Variants in DAB2IP observed in about 807,000 individuals in gnomAD.
DAB2IP encodes the protein DAB2 interacting protein.
In DAB2IP, 28 loss-of-function variants were observed where a neutral mutation model predicts 107.2. That is an observed-to-expected ratio of 0.26 (90% CI 0.19 to 0.36). DAB2IP has a LOEUF of 0.36. Among genes scored for constraint, DAB2IP ranks in the 10% least tolerant of loss-of-function variants. The pLI is 1.00. For synonymous variants in DAB2IP, 755 were observed against 706.4 expected (o/e 1.07, Z -1.09); for missense variants, 1,400 against 1,644.7 (o/e 0.85, Z 2.57).
chr9:121,579,259 G>T (rs1830136849), intron 1 of DAB2IP, among the ~76,000 whole-genome samples: 2 of 152,116 alleles, frequency 1.3e-5, no homozygotes, highest in African/African-American at 4.8e-5. Context: ...CAGAGAATGA[G>T]GCCTCAGTTG....
At chr9:121,579,458 A>C (rs1830141765) in intron 1 of DAB2IP, among the ~76,000 whole-genome samples, 1 of 151,158 alleles carries the variant, frequency 6.6e-6, no homozygotes, top group Non-Finnish European at 1.5e-5. Flanking sequence ...TGCAGTCCCC[A>C]CCATCCCTCC....
At chr9:121,747,839 T>C (rs1832821631) in intron 3 of DAB2IP, among the ~76,000 whole-genome samples, 1 of 145,802 alleles carries the variant, frequency 6.9e-6, no homozygotes. Flanking sequence ...TCTCTCTCTC[T>C]GCACCCCTCC....
At chr9:121,577,480 C>T (rs531507539) in intron 1 of DAB2IP, among the ~76,000 whole-genome samples, 24 of 152,216 alleles carry the variant, frequency 1.6e-4, no homozygotes, top group Non-Finnish European at 2.2e-4. Context: ...GCCTCTGTCT[C>T]GGCAGGCTGT....
chr9:121,651,926 C>G lies in DAB2IP; in HGVS notation c.124+27C>G, dbSNP rs1832759979. ...TAGGCGCCACCCCGACCCCTGACCCCTAGACCCTCCTAAGGCCACTAAGCC... is the reference window on the plus strand; with the variant it reads ...TAGGCGCCACCCCGACCCCTGACCCGTAGACCCTCCTAAGGCCACTAAGCC... On this transcript the variant is annotated intron_variant, in intron 1 of 15. Coordinates refer to ENST00000408936, the Ensembl canonical transcript of DAB2IP. The surrounding 1 kb of genome is among the most constrained non-coding windows in gnomAD (Gnocchi z 5.1). 1.5e-6 allele frequency: 2 copies of G among 1,334,838 alleles called. No homozygotes were observed. The highest frequency in any genetic ancestry group is 3.1e-5 in the Admixed American group (1 of 32,384). The allele number at this position is 1,334,838 out of a possible 1,614,324, so 82.7% of individuals were successfully genotyped here.
rs1834564506 is a variant in DAB2IP, at chr9:121,769,823, A to T, written c.1900-723A>T. Among the ~76,000 whole-genome samples the T allele has an allele frequency of 3.3e-5, 5 of 152,214 alleles. No individual in the cohort carries two copies. In the South Asian group the frequency reaches 6.2e-4, roughly 19 times the overall value. ...CTGCACAACCAGGCAGGAAGAATGG[A>T]AGGTGATCAGTATTGTCACATCGGT... On this transcript the variant is annotated intron_variant, in intron 10 of 15. Coordinates refer to ENST00000408936, the Ensembl canonical transcript of DAB2IP.
intron 2 of DAB2IP, among the ~76,000 whole-genome samples, chr9:121,691,239 A>G (rs1829145335): frequency 6.6e-6 from 1 of 152,158 alleles, no homozygotes; most frequent in South Asian, 2.1e-4. Context: ...ACAGTCCAGT[A>G]TGGGGTGGGG....
intron 9 of DAB2IP, 22 bp from the exon 10 acceptor site, chr9:121,768,410 C>A: frequency 6.2e-7 from 1 of 1,613,512 alleles, no homozygotes; most frequent in South Asian, 1.1e-5. Context: ...CAGTAGTGCT[C>A]ACCCAACTGC....
intron 1 of DAB2IP, chr9:121,575,282 C>A: frequency 6.5e-6 from 1 of 154,628 alleles, no homozygotes; most frequent in Non-Finnish European, 1.4e-5. Context: ...TTCTCAGAGC[C>A]TCGGAGGGAT....
Position 121,768,370 on chromosome 9 carries a change from G to C in DAB2IP, c.1698-62G>C, listed in dbSNP as rs113988935. ...AAGCGGGTGGTGGTGTCCCAGTGGA[G>C]GGAGTTCCTGGGCAGGGCCTGCCTG... On this transcript the variant is annotated intron_variant, in intron 9 of 15. Coordinates refer to ENST00000408936, the Ensembl canonical transcript of DAB2IP. 2.3e-3 allele frequency: 3,573 copies of C among 1,566,396 alleles called. 66 individuals are homozygous for C. The African/African-American group carries it at 0.043, about 19-fold the overall frequency.
chr9:121,631,280 A>G (rs1302102143), intron 1 of DAB2IP, among the ~76,000 whole-genome samples: 1 of 152,118 alleles, frequency 6.6e-6, no homozygotes, highest in Non-Finnish European at 1.5e-5. Flanking sequence ...AGTCACTTCC[A>G]CCACTGGGAC....
chr9:121,663,315 C>T (rs981911420), intron 1 of DAB2IP, among the ~76,000 whole-genome samples: 9 of 152,134 alleles, frequency 5.9e-5, no homozygotes, highest in South Asian at 2.1e-4. Flanking sequence ...ACTGTCCTTG[C>T]GGAAGGGCCC....
intron 1 of DAB2IP, among the ~76,000 whole-genome samples, chr9:121,614,391 A>G (rs1444600354): frequency 8.1e-6 from 1 of 123,180 alleles, no homozygotes; most frequent in Admixed American, 1.1e-4. Context: ...CCGAGGCTGG[A>G]GTGCAATGGC....
At chr9:121,756,875 C>A in intron 3 of DAB2IP, 138 bp from the exon 4 acceptor site, 1 of 1,229,812 alleles carries the variant, frequency 8.1e-7, no homozygotes, top group South Asian at 1.3e-5. Context: ...CCAGATCTGT[C>A]TTAAGACAGA....
At chr9:121,685,066 A>C (rs1034070226) in intron 2 of DAB2IP, among the ~76,000 whole-genome samples, 1 of 152,178 alleles carries the variant, frequency 6.6e-6, no homozygotes, top group African/African-American at 2.4e-5. Context: ...TCTGTGAGTC[A>C]GTCTCCTGAC....
intron 3 of DAB2IP, among the ~76,000 whole-genome samples, chr9:121,755,479 G>A (rs187698975): frequency 2.0e-5 from 3 of 151,854 alleles, no homozygotes; most frequent in African/African-American, 4.9e-5. Flanking sequence ...GGCCAGCTTC[G>A]TGCTGGGTGT....
intron 3 of DAB2IP, among the ~76,000 whole-genome samples, chr9:121,705,539 A>G (rs1830017431): frequency 6.6e-6 from 1 of 152,152 alleles, no homozygotes; most frequent in Non-Finnish European, 1.5e-5. Context: ...AGTTGTTTGT[A>G]CATGTCTGTG....
chr9:121,733,135 A>T (rs775667107), intron 3 of DAB2IP, among the ~76,000 whole-genome samples: 1 of 152,186 alleles, frequency 6.6e-6, no homozygotes, highest in Non-Finnish European at 1.5e-5. Flanking sequence ...GCCCTTATTC[A>T]TGAACAGCCA....
At chr9:121,576,591 C>T (rs1351257613) in intron 1 of DAB2IP, among the ~76,000 whole-genome samples, 1 of 152,146 alleles carries the variant, frequency 6.6e-6, no homozygotes, top group Non-Finnish European at 1.5e-5. Context: ...TACTGTTTGT[C>T]CCCATCTCTG....
At chr9:121,763,679 G>T in intron 7 of DAB2IP, 30 bp downstream of exon 7, 1 of 1,612,066 alleles carries the variant, frequency 6.2e-7, no homozygotes, top group East Asian at 2.2e-5. Flanking sequence ...CAGGGCAGAG[G>T]GTGGGGCAGG....
Sources: allele counts gnomAD v4.1 joint callset (sites outside exome capture counted in the v4.1 genomes callset), GRCh38; gene constraint gnomAD v4.1.1; non-coding constraint Gnocchi (gnomAD v3.1); transcripts MANE v1.5; gene names NCBI Gene and HGNC (gene_info 2026-07-23, HGNC 2026-07-21).